GRIP1: variants seen among roughly 807,000 people sequenced by gnomAD.
GRIP1 encodes the protein glutamate receptor interacting protein 1, also known as glutamate receptor-interacting protein 1.
GRIP1 carries 45 observed loss-of-function variants against 129.9 expected under a neutral mutation model. That is an observed-to-expected ratio of 0.35 (90% CI 0.27 to 0.44). The LOEUF (loss-of-function observed/expected upper bound fraction) is 0.44. GRIP1 is among the 20% of genes least tolerant of loss of function. The probability of loss-of-function intolerance (pLI) is 1.00; values close to 1 mark genes in which losing one functional copy is unlikely to be tolerated. For missense variants in GRIP1, 1,196 were observed against 1,396.8 expected, an observed-to-expected ratio of 0.86 and a Z score of 2.29; for synonymous variants, 530 against 520.8, an observed-to-expected ratio of 1.02 and a Z score of -0.24.
At chr12:66,834,919 G>A (rs1438060969) in intron 1 of GRIP1, among the ~76,000 whole-genome samples, 6 of 101,710 alleles carry the variant, frequency 5.9e-5, no homozygotes, top group African/African-American at 7.2e-5. Context: ...GACAAGACTC[G>A]TCTCTTTAAA....
At chr12:66,399,942 T>A (rs920369295) in intron 16 of GRIP1, among the ~76,000 whole-genome samples, 1 of 151,934 alleles carries the variant, frequency 6.6e-6, no homozygotes, top group African/African-American at 2.4e-5. Flanking sequence ...TGCTGCACGG[T>A]CATTTTACAT....
intron 1 of GRIP1, among the ~76,000 whole-genome samples, chr12:66,901,092 T>C (rs563151908): frequency 2.0e-5 from 3 of 152,208 alleles, no homozygotes; most frequent in Non-Finnish European, 4.4e-5. Flanking sequence ...CAAATTATTT[T>C]TAAGTTTAAA....
chr12:66,377,136 G>A, intron 21 of GRIP1, 38 bp downstream of exon 21: 1 of 1,560,860 alleles, frequency 6.4e-7, no homozygotes, highest in Non-Finnish European at 8.8e-7. Context: ...AAAAATGAAT[G>A]TAGAAACAAT....
chr12:66,812,793 G>T lies in GRIP1; in HGVS notation c.59-215866C>A, dbSNP rs184420684. On this transcript the variant is annotated intron_variant, in intron 1 of 1. Coordinates refer to the GRIP1 transcript ENST00000643019. ...CTGGTCCTATTTCACATTCTTGCTGGTTGATTTTGGTGTTTGACATACTTT... is the reference window on the plus strand; with the variant it reads ...CTGGTCCTATTTCACATTCTTGCTGTTTGATTTTGGTGTTTGACATACTTT... Among the ~76,000 whole-genome samples the T allele has an allele frequency of 4.6e-5, 7 of 152,246 alleles. No individual in the cohort carries two copies. The East Asian group carries it at 1.4e-3, about 29-fold the overall frequency.
intron 7 of GRIP1, among the ~76,000 whole-genome samples, chr12:66,472,447 T>C (rs1161480413): frequency 6.6e-6 from 1 of 152,182 alleles, no homozygotes; most frequent in East Asian, 1.9e-4. Context: ...ACATACTGTT[T>C]GCAACTCCTC....
At chr12:66,461,837 C>T (rs2059145616) in intron 9 of GRIP1, among the ~76,000 whole-genome samples, 1 of 152,182 alleles carries the variant, frequency 6.6e-6, no homozygotes, top group Non-Finnish European at 1.5e-5. Context: ...GAGAAAACTG[C>T]ACTGTGTCTA....
At chr12:67,031,901 T>G (rs1424723501) in intron 1 of GRIP1, among the ~76,000 whole-genome samples, 1 of 152,136 alleles carries the variant, frequency 6.6e-6, no homozygotes, top group Non-Finnish European at 1.5e-5. Flanking sequence ...ATTCTACCCT[T>G]TCATCAACTT....
intron 1 of GRIP1, among the ~76,000 whole-genome samples, chr12:67,041,116 C>T (rs1192895182): frequency 6.6e-6 from 1 of 152,052 alleles, no homozygotes; most frequent in Non-Finnish European, 1.5e-5. Flanking sequence ...TCTCCATAAT[C>T]CATCCTGTAA....
intron 7 of GRIP1, among the ~76,000 whole-genome samples, chr12:66,502,425 T>C (rs572427636): frequency 3.4e-5 from 5 of 147,374 alleles, no homozygotes; most frequent in Non-Finnish European, 7.4e-5. Context: ...TTTGTATTCT[T>C]ACATTTGTGT....
chr12:66,788,064 C>A (rs2038411611), intron 1 of GRIP1, among the ~76,000 whole-genome samples: 1 of 152,000 alleles, frequency 6.6e-6, no homozygotes, highest in Non-Finnish European at 1.5e-5. Context: ...ATTTCACACA[C>A]CCCTGCCATA....
intron 1 of GRIP1, among the ~76,000 whole-genome samples, chr12:66,710,337 AAAGT>A (rs1192953072): frequency 6.6e-6 from 1 of 152,044 alleles, no homozygotes; most frequent in Non-Finnish European, 1.5e-5. Context: ...TCTCTTTAAA[AAAGT>A]AAGTGGAGCT....
intron 1 of GRIP1, among the ~76,000 whole-genome samples, chr12:66,963,900 G>A (rs914471387): frequency 6.6e-6 from 1 of 152,094 alleles, no homozygotes; most frequent in African/African-American, 2.4e-5. Context: ...ACTTTTCTTT[G>A]TATGTTTCTT....
chr12:67,015,665 C>T (rs2042775507), intron 1 of GRIP1, among the ~76,000 whole-genome samples: 1 of 152,122 alleles, frequency 6.6e-6, no homozygotes, highest in Admixed American at 6.6e-5. Context: ...AGGAAGGAAA[C>T]AAATAATCCT....
chr12:66,589,993 A>G (rs1333145873), intron 2 of GRIP1, among the ~76,000 whole-genome samples: 1 of 152,190 alleles, frequency 6.6e-6, no homozygotes, highest in Admixed American at 6.5e-5. Context: ...GAATGAGAGA[A>G]TTAATTTTTT....
chr12:66,834,752 A>ATCCATAAAAGAAAGAATTGCCTATAG (rs1373429507), intron 1 of GRIP1, among the ~76,000 whole-genome samples: 2 of 152,112 alleles, frequency 1.3e-5, no homozygotes, highest in African/African-American at 2.4e-5. Context: ...CAAAGGCATG[A>ATCCATAAAAGAAAGAATTGCCTATAG]TCCATAAAAG....
chr12:66,761,322 C>T (rs2037468679), intron 1 of GRIP1, among the ~76,000 whole-genome samples: 2 of 152,096 alleles, frequency 1.3e-5, no homozygotes, highest in Admixed American at 1.3e-4. Flanking sequence ...TCCAAGCCCA[C>T]ACATCTGCCA....
chr12:66,457,980 T>C (rs1317326839), intron 9 of GRIP1, among the ~76,000 whole-genome samples: 1 of 152,240 alleles, frequency 6.6e-6, no homozygotes, highest in Admixed American at 6.5e-5. Flanking sequence ...TAAAAACAAA[T>C]GAGTTTAGAG....
intron 2 of GRIP1, among the ~76,000 whole-genome samples, chr12:66,588,000 T>C (rs940273273): frequency 3.3e-5 from 5 of 152,006 alleles, no homozygotes; most frequent in Non-Finnish European, 7.4e-5. Flanking sequence ...CACTTATATA[T>C]TTTATATATT....
intron 23 of GRIP1, among the ~76,000 whole-genome samples, chr12:66,362,950 G>C (rs2054865724): frequency 6.6e-6 from 1 of 151,594 alleles, no homozygotes; most frequent in South Asian, 2.1e-4. Flanking sequence ...CTGTCTGGTA[G>C]AGATGCAAAT....
Sources: allele counts gnomAD v4.1 joint callset (sites outside exome capture counted in the v4.1 genomes callset), GRCh38; gene constraint gnomAD v4.1.1; transcripts MANE v1.5; gene names NCBI Gene and HGNC (gene_info 2026-07-23, HGNC 2026-07-21).